MFSD8: variants seen among roughly 807,000 people sequenced by gnomAD.
MFSD8 encodes major facilitator superfamily domain-containing protein 8.
A neutral mutation model predicts 66.4 loss-of-function variants in MFSD8; 55 were observed. The observed-to-expected ratio is 0.83, with a 90% CI of 0.67 to 1.04. The LOEUF (loss-of-function observed/expected upper bound fraction) is 1.04. Ranked by LOEUF, MFSD8 falls within the 50% of genes least tolerant of loss-of-function variation. The pLI, the probability that MFSD8 is intolerant of heterozygous loss-of-function variation, is 0.00. For missense variants in MFSD8, 550 were observed against 627.6 expected, an observed-to-expected ratio of 0.88 and a Z score of 1.32; for synonymous variants, 202 against 212.8, an observed-to-expected ratio of 0.95 and a Z score of 0.44.
At chr4:127,965,301 C>G (rs1343141899), upstream of MFSD8, 1 of 812,076 alleles carries the variant, frequency 1.2e-6, no homozygotes, top group Non-Finnish European at 2.0e-6. Context: ...CGCGGAAGGC[C>G]GGGCAGCGCA....
intron 2 of MFSD8, among the ~76,000 whole-genome samples, chr4:127,954,757 C>T (rs1270326128): frequency 6.6e-6 from 1 of 152,140 alleles, no homozygotes; most frequent in East Asian, 1.9e-4. Context: ...GGATAAGGGG[C>T]TAACATTCAG....
At chr4:127,960,608 C>T (rs1185547534) in intron 1 of MFSD8, among the ~76,000 whole-genome samples, 2 of 152,114 alleles carry the variant, frequency 1.3e-5, no homozygotes, top group Non-Finnish European at 2.9e-5. Context: ...ATAACAGTTA[C>T]AGAAATAAAC....
chr4:127,921,483 G>T, intron 11 of MFSD8, 41 bp downstream of exon 11: 1 of 1,613,224 alleles, frequency 6.2e-7, no homozygotes, highest in Non-Finnish European at 8.5e-7. Context: ...GTGCTTACAA[G>T]TATATTTTCT....
Position 127,943,885 on chromosome 4 carries a change from T to C in MFSD8, c.306A>G (p.Pro102=), listed in dbSNP as rs746201253. 3 of 1,614,080 alleles carry C rather than the reference T, an allele frequency of 1.9e-6. No homozygotes were observed. Among genetic ancestry groups the C allele is most frequent in the Admixed American group, 3.3e-5 (2 of 59,996 alleles). The change falls in exon 4 of 12, where the codon CCA becomes CCG. Residue 102 remains proline, a synonymous_variant. Transcript: ENST00000641686. ...PIFGLWSNYR[P]RKEPLIVSIL... is the part of the protein sequence containing the mutation. The stretch of plus-strand genomic sequence containing the variant: ...TGGAGACAATAAGAGGCTCTTTTCT[T>C]GGTCTATAATTAGACCATAAACCAA...
chr4:127,946,334 CTTT>C (rs373732071), intron 3 of MFSD8, among the ~76,000 whole-genome samples: 4 of 152,194 alleles, frequency 2.6e-5, no homozygotes, highest in Middle Eastern at 3.4e-3. Context: ...TAATATCCTT[CTTT>C]TGAGAATTTT....
chr4:127,929,068 T>A (rs1737674257), intron 9 of MFSD8, among the ~76,000 whole-genome samples: 1 of 151,806 alleles, frequency 6.6e-6, no homozygotes, highest in South Asian at 2.1e-4. Flanking sequence ...ACGCCTGTAA[T>A]CCCAGCACTT....
chr4:127,924,572 T>C (rs1239218912), intron 9 of MFSD8, among the ~76,000 whole-genome samples: 1 of 152,130 alleles, frequency 6.6e-6, no homozygotes, highest in African/African-American at 2.4e-5. Flanking sequence ...TACAAACCAC[T>C]GCTAAAGGAC....
intron 2 of MFSD8, among the ~76,000 whole-genome samples, chr4:127,956,001 C>T (rs868731024): frequency 1.4e-4 from 21 of 152,008 alleles, no homozygotes; most frequent in Admixed American, 3.3e-4. Context: ...CGCCTGTAGT[C>T]CCAGCTACTC....
intron 1 of MFSD8, among the ~76,000 whole-genome samples, chr4:127,962,502 T>G (rs1743961829): frequency 6.6e-6 from 1 of 150,984 alleles, no homozygotes. Flanking sequence ...TAAATTGGTA[T>G]AGAAGCAACA....
chr4:127,956,734 C>T (rs969236905), intron 2 of MFSD8, among the ~76,000 whole-genome samples: 6 of 148,078 alleles, frequency 4.1e-5, no homozygotes, highest in Non-Finnish European at 8.9e-5. Flanking sequence ...AGGCGAATCG[C>T]TTGAATCTGG....
chr4:127,921,023 AAAG>A, intron 11 of MFSD8, 187 bp from the exon 12 acceptor site: 1 of 616,710 alleles, frequency 1.6e-6, no homozygotes, highest in Non-Finnish European at 2.8e-6. Flanking sequence ...AAAAAAAATA[AAAG>A]GAGTGTAAAG....
rs555883610 is a variant in MFSD8, at chr4:127,933,276, A to T, written c.755-183T>A. On this transcript the variant is annotated intron_variant, in intron 7 of 11. Transcript: ENST00000641686. ...TTTTTATTTTTTGAGACAGGGTCTC[A>T]CTCTGTCACCCAGACTAGAGTGCAG... 21 of 507,240 alleles carry T rather than the reference A, an allele frequency of 4.1e-5. No homozygotes were observed. In the South Asian group the frequency reaches 4.3e-4, roughly 10 times the overall value. The allele number at this position is 507,240 out of a possible 1,614,324, so 31.4% of individuals were successfully genotyped here.
chr4:127,920,849 A>G lies in MFSD8; in HGVS notation c.1351-13T>C. 1 of 1,612,146 alleles carries G rather than the reference A, an allele frequency of 6.2e-7. No homozygotes were observed. Among genetic ancestry groups the G allele is most frequent in the Non-Finnish European group, 8.5e-7 (1 of 1,179,108 alleles). On this transcript the variant is annotated splice_polypyrimidine_tract_variant and intron_variant, in intron 11 of 11. Transcript: ENST00000641686. ...CCATGTATACACCCTGTTGGGGGTGAAATGGAGGACAAGCAGATTGATATT... is the reference window on the plus strand; with the variant it reads ...CCATGTATACACCCTGTTGGGGGTGGAATGGAGGACAAGCAGATTGATATT...
intron 7 of MFSD8, among the ~76,000 whole-genome samples, chr4:127,938,582 C>CAAAAAAAA (rs1174151589): frequency 2.7e-5 from 3 of 110,526 alleles, no homozygotes; most frequent in Non-Finnish European, 3.7e-5. Context: ...AACTCTGTCT[C>CAAAAAAAA]AAAAAAAAAA....
chr4:127,928,387 G>A (rs1365507160), intron 9 of MFSD8, among the ~76,000 whole-genome samples: 1 of 152,118 alleles, frequency 6.6e-6, no homozygotes, highest in East Asian at 1.9e-4. Context: ...CCAAAATGCT[G>A]GGATTACAGG....
At chr4:127,935,637 A>G (rs1738942143) in intron 7 of MFSD8, among the ~76,000 whole-genome samples, 1 of 152,150 alleles carries the variant, frequency 6.6e-6, no homozygotes, top group Admixed American at 6.5e-5. Context: ...AAATCTCATA[A>G]AAGAAAACAC....
At chr4:127,917,778 G>A (rs556758908), downstream of MFSD8, 14 of 152,122 alleles carry the variant, frequency 9.2e-5, no homozygotes, top group Non-Finnish European at 1.3e-4. Context: ...ACTGAAAGAC[G>A]ACTGAATAAA....
chr4:127,940,544 G>T (rs1740009641), intron 5 of MFSD8, among the ~76,000 whole-genome samples: 1 of 141,546 alleles, frequency 7.1e-6, no homozygotes. Context: ...ATATATGTGT[G>T]TGTGTGTATA....
At chr4:127,922,410 T>G (rs1300137686) in intron 9 of MFSD8, among the ~76,000 whole-genome samples, 1 of 152,128 alleles carries the variant, frequency 6.6e-6, no homozygotes, top group Admixed American at 6.6e-5. Flanking sequence ...GACTGCTTGA[T>G]GCCAGAAGTT....
Sources: gnomAD v4.1 joint callset for allele counts (sites outside exome capture counted in the v4.1 genomes callset) on GRCh38, gnomAD v4.1.1 for gene constraint, MANE v1.5 for transcripts, NCBI Gene and HGNC (gene_info 2026-07-23, HGNC 2026-07-21) for gene names.